The following FLRT1 variants were observed in gnomAD, a reference collection of about 807,000 sequenced individuals.
FLRT1 encodes the protein leucine-rich repeat transmembrane protein FLRT1.
In FLRT1, 14 loss-of-function variants were observed where a neutral mutation model predicts 30.9. The observed-to-expected ratio is 0.45, with a 90% confidence interval of 0.30 to 0.71. The LOEUF (loss-of-function observed/expected upper bound fraction) is 0.71. FLRT1 is among the 30% of genes least tolerant of loss of function. The pLI, the probability that FLRT1 is intolerant of heterozygous loss-of-function variation, is 0.08. For missense variants in FLRT1, 737 were observed against 949.2 expected (o/e 0.78, Z 2.94); for synonymous variants, 368 against 430.4 (o/e 0.85, Z 1.80).
rs766433171 is a variant in FLRT1, at chr11:64,116,872, A to C, written c.605A>C (p.Glu202Ala). The C allele has an allele frequency of 6.2e-7, 1 of 1,612,028 alleles. No homozygotes were observed. Among genetic ancestry groups the C allele is most frequent in the Admixed American group, 1.7e-5 (1 of 60,014 alleles). The stretch of plus-strand genomic sequence containing the variant: ...TCGGGGCTGCCGCACACGCTGGAGG[A>C]GCTGCGGCTGGATGACAACCGCATC... ...IPSGLPHTLE[E>A]LRLDDNRIST... is the part of the protein sequence containing the mutation. Residue 202 changes from glutamate (E) to alanine (A), a missense_variant, in exon 3 of 3, where the codon GAG (glutamate) becomes GCG (alanine). Coordinates refer to ENST00000682287, the MANE Select transcript of FLRT1 (RefSeq NM_013280.5).
chr11:64,089,162 C>T (rs1256526824), intron 1 of FLRT1, among the ~76,000 whole-genome samples: 1 of 152,166 alleles, frequency 6.6e-6, no homozygotes, highest in African/African-American at 2.4e-5. Flanking sequence ...CTTCCAGGCA[C>T]AGGGCGGGTC....
intron 1 of FLRT1, among the ~76,000 whole-genome samples, chr11:64,097,889 T>C (rs763375255): frequency 3.9e-5 from 6 of 152,070 alleles, no homozygotes; most frequent in Non-Finnish European, 7.4e-5. Context: ...TCCATGGCTC[T>C]CTTGGTGGTG....
chr11:64,038,368 G>C (rs982663567), intron 1 of FLRT1, among the ~76,000 whole-genome samples: 1 of 152,228 alleles, frequency 6.6e-6, no homozygotes, highest in African/African-American at 2.4e-5. Context: ...ATGTCTGGGT[G>C]TTCTGCGTGT....
chr11:64,053,792 C>T (rs912614538), intron 1 of FLRT1, among the ~76,000 whole-genome samples: 5 of 152,140 alleles, frequency 3.3e-5, no homozygotes, highest in Admixed American at 2.0e-4. Context: ...AGCCCTATAG[C>T]GGCATCCCGA....
chr11:64,093,175 C>T (rs1013970968), intron 1 of FLRT1, among the ~76,000 whole-genome samples: 4 of 152,136 alleles, frequency 2.6e-5, no homozygotes, highest in Admixed American at 2.0e-4. Context: ...TTCAGTGAGG[C>T]GACGTGTGAA....
chr11:64,087,082 A>G (rs1944408598), intron 1 of FLRT1: 1 of 152,234 alleles, frequency 6.6e-6, no homozygotes, highest in Non-Finnish European at 1.5e-5. Flanking sequence ...ACAGCAAAGC[A>G]CAATTAACAT....
chr11:64,038,330 G>A (rs1650987065), intron 1 of FLRT1, among the ~76,000 whole-genome samples: 1 of 152,240 alleles, frequency 6.6e-6, no homozygotes, highest in Admixed American at 6.5e-5. Context: ...CCTGCGCAGG[G>A]GTTTACAGCA....
At chr11:64,107,701 C>T (rs1944788205) in intron 2 of FLRT1, among the ~76,000 whole-genome samples, 1 of 152,234 alleles carries the variant, frequency 6.6e-6, no homozygotes, top group African/African-American at 2.4e-5. Flanking sequence ...CAAAGCTGTT[C>T]AGGGTGATGG....
chr11:64,069,474 G>A (rs1944065821), intron 1 of FLRT1, among the ~76,000 whole-genome samples: 1 of 152,240 alleles, frequency 6.6e-6, no homozygotes, highest in African/African-American at 2.4e-5. Context: ...GGCCAGTCTG[G>A]TCCCCTTTAG....
intron 1 of FLRT1, among the ~76,000 whole-genome samples, chr11:64,048,607 C>A (rs558565337): frequency 6.6e-6 from 1 of 152,182 alleles, no homozygotes; most frequent in East Asian, 1.9e-4. Context: ...GCAGCCCCAG[C>A]GGAATTCTTA....
intron 1 of FLRT1, among the ~76,000 whole-genome samples, chr11:64,070,241 C>T (rs1011164747): frequency 5.3e-5 from 8 of 152,126 alleles, no homozygotes; most frequent in African/African-American, 1.9e-4. Flanking sequence ...GTGTCTGAGT[C>T]TACTGATCAG....
rs117141866 is a variant in FLRT1, at chr11:64,093,137, T to C, written c.-1037-10057T>C. 1.4e-3 allele frequency among the ~76,000 whole-genome samples: 206 copies of C among 152,162 alleles called. 1 individual carries two copies. In the East Asian group the frequency reaches 0.023, roughly 17 times the overall value. The stretch of plus-strand genomic sequence containing the variant: ...AATATCTGTTTTCTCAGGTGGAAAA[T>C]TGGAATGGTAATAACAGTGCCTGTG... On this transcript the variant is annotated intron_variant, in intron 1 of 2. Transcript: ENST00000682287.
At chr11:64,115,329 C>T (rs1197217196) in intron 2 of FLRT1, among the ~76,000 whole-genome samples, 2 of 152,108 alleles carry the variant, frequency 1.3e-5, no homozygotes, top group Admixed American at 6.5e-5. Context: ...ACAGACGTGA[C>T]TCCTCCCTCC....
intron 1 of FLRT1, among the ~76,000 whole-genome samples, chr11:64,074,362 C>T (rs1944163706): frequency 6.6e-6 from 1 of 152,198 alleles, no homozygotes; most frequent in Non-Finnish European, 1.5e-5. Context: ...CAACCACTGC[C>T]CTCTCACCTC....
intron 1 of FLRT1, among the ~76,000 whole-genome samples, chr11:64,102,251 G>A (rs905741198): frequency 1.4e-4 from 21 of 152,196 alleles, no homozygotes; most frequent in African/African-American, 4.1e-4. Flanking sequence ...TCCACATGCC[G>A]CACTAATGAG....
Position 64,116,969 on chromosome 11 carries a change from G to A in FLRT1, c.702G>A (p.Leu234=), listed in dbSNP as rs2134619368. ...GCCTGGTGCTGGACGGTAACCTGCTGGCCAACCAGCGCATCGCCGACGACA... is the reference window on the plus strand; with the variant it reads ...GCCTGGTGCTGGACGGTAACCTGCTAGCCAACCAGCGCATCGCCGACGACA... ...LRRLVLDGNL[L]ANQRIADDTF... Residue 234 remains leucine (L), a synonymous_variant, in exon 3 of 3, where the codon CTG becomes CTA. Coordinates refer to ENST00000682287, the MANE Select transcript of FLRT1 (RefSeq NM_013280.5). 2 of 1,611,960 alleles carry A rather than the reference G, an allele frequency of 1.2e-6. No homozygotes were observed. The highest frequency in any genetic ancestry group is 8.5e-7 in the Non-Finnish European group (1 of 1,179,982).
intron 1 of FLRT1, among the ~76,000 whole-genome samples, chr11:64,070,934 G>C (rs942120979): frequency 6.6e-6 from 1 of 152,098 alleles, no homozygotes; most frequent in African/African-American, 2.4e-5. Context: ...CTAGGGGTTG[G>C]TTAAGTAGAC....
rs951495557 is a variant in FLRT1, at chr11:64,090,775, C to T, written c.-1037-12419C>T. On this transcript the variant is annotated intron_variant, in intron 1 of 2. Transcript: ENST00000682287. The surrounding 1 kb of genome is among the most constrained non-coding windows in gnomAD (Gnocchi z 4.7). ...TAAAAGGGGGGCGGGGTGGCGGCGTCTCTCCACCAGGCACTTGGGGTTTGT... is the reference window on the plus strand; with the variant it reads ...TAAAAGGGGGGCGGGGTGGCGGCGTTTCTCCACCAGGCACTTGGGGTTTGT... 2.0e-5 allele frequency among the ~76,000 whole-genome samples: 3 copies of T among 152,054 alleles called. No homozygotes were observed. The highest frequency in any genetic ancestry group is 4.8e-5 in the African/African-American group (2 of 41,408).
chr11:64,111,961 T>G (rs1944870677), intron 2 of FLRT1, among the ~76,000 whole-genome samples: 1 of 152,164 alleles, frequency 6.6e-6, no homozygotes, highest in South Asian at 2.1e-4. Context: ...GGCCAGGGAC[T>G]CACAGCCCTC....
Sources: allele counts gnomAD v4.1 joint callset (sites outside exome capture counted in the v4.1 genomes callset), GRCh38; gene constraint gnomAD v4.1.1; non-coding constraint Gnocchi (gnomAD v3.1); transcripts MANE v1.5; gene names NCBI Gene and HGNC (gene_info 2026-07-23, HGNC 2026-07-21).